Variants in CASP8 observed in about 807,000 individuals in gnomAD.
The protein encoded by CASP8 is caspase-8.
In CASP8, 24 loss-of-function variants were observed where a neutral mutation model predicts 46.3. That is an observed-to-expected ratio of 0.52 (90% CI 0.38 to 0.73). CASP8 has a LOEUF of 0.73. CASP8 is among the 30% of genes least tolerant of loss of function. The pLI, the probability that CASP8 is intolerant of heterozygous loss-of-function variation, is 0.00. For synonymous variants in CASP8, 188 were observed against 200.4 expected (o/e 0.94, Z 0.52); for missense variants, 460 against 559.0 (o/e 0.82, Z 1.79).
chr2:201,243,249 A>G (rs1046720674), intron 2 of CASP8, among the ~76,000 whole-genome samples: 3 of 152,250 alleles, frequency 2.0e-5, no homozygotes, highest in Non-Finnish European at 2.9e-5. Flanking sequence ...ACAATAAAAT[A>G]TAATTGATAA....
chr2:201,284,328 G>A (rs1233705046), intron 7 of CASP8, among the ~76,000 whole-genome samples: 9 of 73,884 alleles, frequency 1.2e-4, no homozygotes, highest in African/African-American at 4.6e-4. Context: ...CAAGGCAGGC[G>A]GCTGGGAGGT....
intron 1 of CASP8, among the ~76,000 whole-genome samples, chr2:201,264,896 A>G (rs1365053373): frequency 2.0e-5 from 3 of 152,076 alleles, no homozygotes; most frequent in Non-Finnish European, 2.9e-5. Context: ...CTTCCATTCT[A>G]GTGAGAGGGT....
rs564684497 is a variant in CASP8 at position 201,272,940 on chromosome 2, A to G, written c.593A>G (p.Asn198Ser). Residue 198 changes from asparagine to serine, a missense_variant and splice_region_variant, in exon 5 of 9, where the codon AAT (asparagine) becomes AGT (serine). By Grantham distance (46) the Asn-to-Ser change is conservative (BLOSUM62 1). Transcript: ENST00000673742. This position sits in a 1 kb window ranked among gnomAD's most constrained non-coding sequence, Gnocchi z 4.4. ...SLEGSPDEFS[N>S]GEELCGVMTI... is the part of the protein sequence containing the mutation. Reference sequence around the variant, plus strand: ...GAAGGAAGTCCTGATGAATTTTCAAATGGTAATGCTTGGAGATACATTTTC... The same window carrying G: ...GAAGGAAGTCCTGATGAATTTTCAAGTGGTAATGCTTGGAGATACATTTTC... The G allele has an allele frequency of 9.3e-6, 15 of 1,613,678 alleles. No homozygotes were observed. The Admixed American group carries it at 1.5e-4, about 16-fold the overall frequency.
chr2:201,257,001 C>T (rs751082923), upstream of CASP8, among the ~76,000 whole-genome samples: 3 of 151,742 alleles, frequency 2.0e-5, no homozygotes, highest in African/African-American at 2.4e-5. Flanking sequence ...CAAAATTAGC[C>T]GGGCATGGTG....
upstream of CASP8, chr2:201,258,248 G>A: frequency 6.2e-7 from 1 of 1,607,618 alleles, no homozygotes; most frequent in Non-Finnish European, 8.5e-7. Context: ...GGAGGCAGAA[G>A]AGCCAGGGTG....
intron 5 of CASP8, 80 bp from the exon 6 acceptor site, chr2:201,274,809 T>G (rs1948518068): frequency 4.6e-6 from 5 of 1,078,530 alleles, no homozygotes; most frequent in Non-Finnish European, 7.2e-6. Context: ...CCTTATGTTG[T>G]CCTATGTGCT....
upstream of CASP8, chr2:201,260,450 A>C: frequency 1.4e-6 from 1 of 723,412 alleles, no homozygotes; most frequent in Non-Finnish European, 1.7e-6. Flanking sequence ...GCAAGTGGTA[A>C]GCGCTCTTTC....
chr2:201,259,719 C>T (rs1414525615), upstream of CASP8, among the ~76,000 whole-genome samples: 2 of 151,896 alleles, frequency 1.3e-5, no homozygotes, highest in South Asian at 2.1e-4. Flanking sequence ...CTGGTATATC[C>T]CTAGAGCCCA....
At chr2:201,277,006 TTATGCC>T (rs1948675936) in intron 7 of CASP8, 38 bp downstream of exon 7, 1 of 1,460,492 alleles carries the variant, frequency 6.8e-7, no homozygotes, top group African/African-American at 1.4e-5. Context: ...AAAATATTTC[TTATGCC>T]TATTTTTTTT....
chr2:201,269,445 C>T (rs1244451320), intron 2 of CASP8: 15 of 1,109,628 alleles, frequency 1.4e-5, no homozygotes, highest in Non-Finnish European at 1.9e-5. Flanking sequence ...TAAAAACCCA[C>T]AGCCCCAGAA....
chr2:201,239,597 T>C (rs1287195317), intron 2 of CASP8, among the ~76,000 whole-genome samples: 1 of 152,254 alleles, frequency 6.6e-6, no homozygotes, highest in African/African-American at 2.4e-5. Flanking sequence ...CTAATTTGTT[T>C]TCTCCTGAAT....
chr2:201,258,375 T>C, upstream of CASP8: 1 of 1,613,756 alleles, frequency 6.2e-7, no homozygotes, highest in Non-Finnish European at 8.5e-7. Context: ...CAGGAAAGGG[T>C]GGAGCGGGTG....
At position 201,268,909 on chromosome 2, in the gene CASP8, T is replaced by TTGTGTGTGTG. The variant is rs58087434; in HGVS notation, c.305+2157_305+2166dup. Among the ~76,000 whole-genome samples, 240 of 131,636 alleles carry TTGTGTGTGTG rather than the reference T, an allele frequency of 1.8e-3. 1 individual carries two copies. Among genetic ancestry groups the TTGTGTGTGTG allele is most frequent in the Admixed American group, 3.6e-3 (45 of 12,636 alleles). The allele number at this position is 131,636 out of a possible 152,430, so 86.4% of individuals were successfully genotyped here. The stretch of plus-strand genomic sequence containing the variant: ...CACCTAATCCAGTATGGCCTCATCT[T>TTGTGTGTGTG]TGTGTGTGTGTGTGTGTGTGTGTGT... On this transcript the variant is annotated intron_variant, in intron 2 of 8. Transcript: ENST00000673742.
Position 201,236,886 on chromosome 2 carries a change from G to A in CASP8, c.-27+2774G>A, listed in dbSNP as rs538841607. 8.5e-5 allele frequency among the ~76,000 whole-genome samples: 13 copies of A among 152,302 alleles called. No homozygotes were observed. The South Asian group carries it at 2.5e-3, about 29-fold the overall frequency. On this transcript the variant is annotated intron_variant, in intron 2 of 6. Coordinates refer to the CASP8 transcript ENST00000264274. The stretch of plus-strand genomic sequence containing the variant: ...TGCCCAAAGTGCCGAGATGACAGGC[G>A]TGGGCCACTGTGCCTGGCCAGACAG...
intron 2 of CASP8, among the ~76,000 whole-genome samples, chr2:201,268,761 G>A (rs1948008160): frequency 6.6e-6 from 1 of 152,118 alleles, no homozygotes; most frequent in African/African-American, 2.4e-5. Context: ...TGCTTCGGGT[G>A]GGTGGAGGAA....
At chr2:201,260,866 G>T (rs1041406957) in intron 1 of CASP8, among the ~76,000 whole-genome samples, 1 of 152,226 alleles carries the variant, frequency 6.6e-6, no homozygotes, top group African/African-American at 2.4e-5. Flanking sequence ...AGTCCTAGGA[G>T]CTTCTGAAAT....
chr2:201,265,872 C>T (rs1947779564), intron 1 of CASP8, among the ~76,000 whole-genome samples: 1 of 152,186 alleles, frequency 6.6e-6, no homozygotes. Context: ...AAAATCCCTT[C>T]CCCATAGGAA....
intron 2 of CASP8, among the ~76,000 whole-genome samples, chr2:201,271,121 A>T (rs540673744): frequency 6.6e-6 from 1 of 152,268 alleles, no homozygotes; most frequent in South Asian, 2.1e-4. Context: ...GAAGATAATG[A>T]CTGGGAGAAT....
rs115623956 is a variant in CASP8, at chr2:201,246,706, C to T, written c.-27+12594C>T. 7.0e-3 allele frequency among the ~76,000 whole-genome samples: 1,059 copies of T among 152,246 alleles called. 10 individuals carry two copies. The highest frequency in any genetic ancestry group is 0.023 in the African/African-American group (967 of 41,526). Reference sequence around the variant, plus strand: ...TGAGGCTTTGAAAAAATGTGAACTGCATGTCCTGCTCAGATCCCAACCCTC... The same window carrying T: ...TGAGGCTTTGAAAAAATGTGAACTGTATGTCCTGCTCAGATCCCAACCCTC... On this transcript the variant is annotated intron_variant, in intron 2 of 6. Coordinates refer to the CASP8 transcript ENST00000264274.
Sources: allele counts gnomAD v4.1 joint callset (sites outside exome capture counted in the v4.1 genomes callset), GRCh38; gene constraint gnomAD v4.1.1; non-coding constraint Gnocchi (gnomAD v3.1); transcripts MANE v1.5; gene names NCBI Gene and HGNC (gene_info 2026-07-23, HGNC 2026-07-21).